Variants in AK7 observed in about 807,000 individuals in gnomAD.
AK7 encodes the protein ATP-AMP transphosphorylase 7.
AK7 carries 78 observed loss-of-function variants against 96.6 expected under a neutral mutation model. The observed-to-expected ratio is 0.81, with a 90% confidence interval of 0.67 to 0.97. AK7 has a LOEUF of 0.97. Ranked by LOEUF, AK7 falls within the 50% of genes least tolerant of loss-of-function variation. The probability of loss-of-function intolerance (pLI) is 0.00; values close to 1 mark genes in which losing one functional copy is unlikely to be tolerated. For synonymous variants in AK7, 302 were observed against 317.2 expected, an observed-to-expected ratio of 0.95 and a Z score of 0.51; for missense variants, 855 against 887.9, an observed-to-expected ratio of 0.96 and a Z score of 0.47.
At chr14:96,417,197 G>A (rs915677661) in intron 4 of AK7, among the ~76,000 whole-genome samples, 2 of 152,220 alleles carry the variant, frequency 1.3e-5, no homozygotes, top group Non-Finnish European at 2.9e-5. Context: ...TGACTACACA[G>A]TTTCCAGACT....
chr14:96,445,870 T>C (rs1216317431), intron 7 of AK7, among the ~76,000 whole-genome samples: 1 of 152,216 alleles, frequency 6.6e-6, no homozygotes, highest in African/African-American at 2.4e-5. Flanking sequence ...CAATCCCTGC[T>C]CTGCTTCTCA....
At chr14:96,473,105 T>C (rs1894986885) in intron 14 of AK7, among the ~76,000 whole-genome samples, 1 of 151,192 alleles carries the variant, frequency 6.6e-6, no homozygotes, top group Non-Finnish European at 1.5e-5. Context: ...CTGTCTGATA[T>C]CTCTCTCTTT....
At chr14:96,395,189 A>G (rs1168947033) in intron 1 of AK7, among the ~76,000 whole-genome samples, 1 of 152,214 alleles carries the variant, frequency 6.6e-6, no homozygotes, top group Non-Finnish European at 1.5e-5. Context: ...CTAATAACCT[A>G]TTGTTAACAG....
At chr14:96,398,359 C>T in intron 2 of AK7, 96 bp downstream of exon 2, 1 of 1,312,706 alleles carries the variant, frequency 7.6e-7, no homozygotes, top group African/African-American at 1.5e-5. Context: ...GCCTCCCCTC[C>T]CCTCTCTTCC....
At chr14:96,472,792 G>T in intron 14 of AK7, 37 bp downstream of exon 14, 1 of 1,567,954 alleles carries the variant, frequency 6.4e-7, no homozygotes, top group African/African-American at 1.4e-5. Context: ...TTAAAAGAAT[G>T]TTCTCTGGGC....
intron 12 of AK7, among the ~76,000 whole-genome samples, chr14:96,464,393 CA>C (rs899772620): frequency 1.3e-5 from 2 of 150,668 alleles, no homozygotes; most frequent in African/African-American, 4.9e-5. Flanking sequence ...ACAAAAAATA[CA>C]AAAAAAATAG....
intron 5 of AK7, among the ~76,000 whole-genome samples, chr14:96,436,971 G>A (rs1391377687): frequency 6.6e-6 from 1 of 151,108 alleles, no homozygotes; most frequent in Non-Finnish European, 1.5e-5. Flanking sequence ...CTCACCTAAG[G>A]CATGGCCTCC....
At chr14:96,409,124 T>G (rs1890893616) in intron 4 of AK7, among the ~76,000 whole-genome samples, 183 bp downstream of exon 4, 1 of 152,222 alleles carries the variant, frequency 6.6e-6, no homozygotes, top group East Asian at 1.9e-4. Context: ...TTTCATTGTT[T>G]TATATGCCTC....
chr14:96,396,911 A>G (rs1890113244), intron 1 of AK7, among the ~76,000 whole-genome samples: 1 of 152,178 alleles, frequency 6.6e-6, no homozygotes, highest in South Asian at 2.1e-4. Flanking sequence ...CAACAGCAAT[A>G]CCCCATTTCT....
chr14:96,461,320 C>T lies in AK7; in HGVS notation c.1357+3108C>T, dbSNP rs191948098. Among the ~76,000 whole-genome samples, 64 of 152,278 alleles carry T rather than the reference C, an allele frequency of 4.2e-4. 1 individual carries two copies. The highest frequency in any genetic ancestry group is 2.9e-3 in the Admixed American group (45 of 15,284). ...AGTCTAGCAGAGTTCTGATGCTTAC[C>T]TTTTGGGTGAGGTGGAAAAAAACAA... On this transcript the variant is annotated intron_variant, in intron 12 of 17. Coordinates refer to ENST00000267584, the MANE Select transcript of AK7 (RefSeq NM_152327.5).
intron 4 of AK7, among the ~76,000 whole-genome samples, chr14:96,418,307 G>A (rs1457654086): frequency 3.5e-5 from 1 of 28,436 alleles, no homozygotes; most frequent in Non-Finnish European, 8.4e-5. Flanking sequence ...CTGGGCAACA[G>A]AGTGAGACCT....
rs754460439 is a variant in AK7, at chr14:96,488,617, G to T, written c.*274G>T. 3.3e-6 allele frequency: 1 copy of T among 307,152 alleles called. No individual in the cohort carries two copies. 19.0% of individuals were successfully genotyped at this position (307,152 alleles called of 1,614,324 possible). A position where few individuals can be genotyped will look rare whatever the true frequency, so the allele number is the denominator to read the frequency against. Reference sequence around the variant, plus strand: ...TTCTTTAGTCAGATCTAAATATACCGCTTCTGTACACTAATGTTTATAGGT... The same window carrying T: ...TTCTTTAGTCAGATCTAAATATACCTCTTCTGTACACTAATGTTTATAGGT... On this transcript the variant is annotated 3_prime_UTR_variant, in exon 18 of 18. Coordinates refer to ENST00000267584, the MANE Select transcript of AK7 (RefSeq NM_152327.5).
At chr14:96,447,057 A>G (rs1893278617) in intron 8 of AK7, among the ~76,000 whole-genome samples, 1 of 152,220 alleles carries the variant, frequency 6.6e-6, no homozygotes, top group Non-Finnish European at 1.5e-5. Context: ...CAAACTCACT[A>G]TCTGCATTTG....
intron 12 of AK7, among the ~76,000 whole-genome samples, chr14:96,462,619 G>C (rs1367637983): frequency 6.6e-6 from 1 of 152,076 alleles, no homozygotes; most frequent in Non-Finnish European, 1.5e-5. Flanking sequence ...TATTTCAAAA[G>C]CATTGTGAAA....
At chr14:96,460,177 G>T (rs1425242524) in intron 12 of AK7, among the ~76,000 whole-genome samples, 2 of 152,176 alleles carry the variant, frequency 1.3e-5, no homozygotes, top group Non-Finnish European at 2.9e-5. Context: ...GAACTGAGAG[G>T]TCTCTAAGGG....
intron 7 of AK7, among the ~76,000 whole-genome samples, chr14:96,443,320 C>T (rs1461916056): frequency 6.6e-6 from 1 of 152,194 alleles, no homozygotes; most frequent in African/African-American, 2.4e-5. Context: ...CCTTCTCTTC[C>T]TTTGAAGACC....
intron 6 of AK7, among the ~76,000 whole-genome samples, chr14:96,441,472 CTA>C (rs1042277888): frequency 2.6e-5 from 4 of 151,810 alleles, no homozygotes; most frequent in Non-Finnish European, 5.9e-5. Context: ...AATCCCATCT[CTA>C]TTAAAAATAC....
intron 4 of AK7, among the ~76,000 whole-genome samples, chr14:96,415,760 T>TTTAAC (rs1427469922): frequency 4.1e-5 from 6 of 145,476 alleles, no homozygotes; most frequent in South Asian, 2.1e-4. Context: ...ATTAATTTAA[T>TTTAAC]ACATTAATTA....
intron 10 of AK7, among the ~76,000 whole-genome samples, chr14:96,453,793 T>A (rs546226235): frequency 6.6e-6 from 1 of 152,138 alleles, no homozygotes; most frequent in Non-Finnish European, 1.5e-5. Context: ...TACACCTGGA[T>A]AAAGTGAGCC....
Sources: allele counts gnomAD v4.1 joint callset (sites outside exome capture counted in the v4.1 genomes callset), GRCh38; gene constraint gnomAD v4.1.1; transcripts MANE v1.5; gene names NCBI Gene and HGNC (gene_info 2026-07-23, HGNC 2026-07-21).